SMG7: variants seen among roughly 807,000 people sequenced by gnomAD.
The protein encoded by SMG7 is nonsense-mediated mRNA decay factor SMG7.
Under a neutral mutation model 148.2 loss-of-function variants are expected in SMG7, and 34 were observed. That is an observed-to-expected ratio of 0.23 (90% CI 0.17 to 0.31). The LOEUF is 0.31. SMG7 is among the 10% of genes least tolerant of loss of function. SMG7 has a pLI of 1.00. For synonymous variants in SMG7, 492 were observed against 515.1 expected (o/e 0.96, Z 0.61); for missense variants, 1,114 against 1,408.4 (o/e 0.79, Z 3.35).
rs1666040705 is a variant in SMG7 at position 183,527,237 on chromosome 1, ATAT to A, written c.484+474_484+476del. On this transcript the variant is annotated intron_variant, in intron 5 of 22. Transcript: ENST00000688051. This position sits in a 1 kb window ranked among gnomAD's most constrained non-coding sequence, Gnocchi z 4.0. ...TCTATTATTTGCATTTTATCTGGGA[ATAT>A]TATATAACTTATTTATTCTTGTTCA... Among the ~76,000 whole-genome samples, 1 of 152,220 alleles carries A rather than the reference ATAT, an allele frequency of 6.6e-6. No individual in the cohort carries two copies. Among genetic ancestry groups the A allele is most frequent in the African/African-American group, 2.4e-5 (1 of 41,468 alleles).
chr1:183,479,091 G>A (rs756436967), intron 1 of SMG7, among the ~76,000 whole-genome samples: 13 of 152,114 alleles, frequency 8.5e-5, no homozygotes, highest in Admixed American at 1.3e-4. Context: ...GTGTGTAAAT[G>A]GAGCTGCTTA....
At chr1:183,540,272 C>T (rs1174260171) in intron 12 of SMG7, among the ~76,000 whole-genome samples, 4 of 152,102 alleles carry the variant, frequency 2.6e-5, no homozygotes, top group African/African-American at 9.7e-5. Flanking sequence ...ACTCATCCTC[C>T]TTTTACTATA....
Position 183,526,826 on chromosome 1 carries a change from T to A in SMG7, c.484+59T>A, listed in dbSNP as rs922734928. On this transcript the variant is annotated intron_variant, in intron 5 of 22. Coordinates refer to ENST00000688051, the MANE Select transcript of SMG7 (RefSeq NM_001375584.1). The stretch of plus-strand genomic sequence containing the variant: ...TTCCTCCTTTTCTTTGGAATAGTCA[T>A]AGAAAGAAACTGTTTTCCTTTAAGC... The A allele has an allele frequency of 4.2e-6, 6 of 1,423,792 alleles. No homozygotes were observed. In the African/African-American group the frequency reaches 8.6e-5, roughly 20 times the overall value. 88.2% of individuals were successfully genotyped at this position (1,423,792 alleles called of 1,614,324 possible). A position where few individuals can be genotyped will look rare whatever the true frequency, so the allele number is the denominator to read the frequency against.
intron 6 of SMG7, 44 bp downstream of exon 6, chr1:183,528,071 C>T: frequency 6.9e-7 from 1 of 1,458,576 alleles, no homozygotes; most frequent in Non-Finnish European, 9.5e-7. Flanking sequence ...ACACTTTGTT[C>T]TTTATAACAA....
rs1651048554 is a variant in SMG7 at position 183,472,871 on chromosome 1, C to G, written c.29+222C>G. The G allele has an allele frequency of 3.9e-5, 16 of 405,520 alleles. No homozygotes were observed. The East Asian group carries it at 5.4e-4, about 14-fold the overall frequency. The allele number at this position is 405,520 out of a possible 1,614,324, so 25.1% of individuals were successfully genotyped here. On this transcript the variant is annotated intron_variant, in intron 1 of 22. Coordinates refer to ENST00000688051, the MANE Select transcript of SMG7 (RefSeq NM_001375584.1). ...CTGAGCTCTGGCGAAGCCGGCTCGT[C>G]CCGGTGCGAGGAGGGAGGTTGGGGA...
rs201939557 is a variant in SMG7 at position 183,542,267 on chromosome 1, A to G, written c.1607A>G (p.Asn536Ser). The change falls in exon 14 of 23, where the codon AAC becomes AGC. Residue 536 changes from asparagine to serine, a missense_variant. Transcript: ENST00000688051. ...VLSTSRNLSN[N>S]CDTGEKPVVT... ...TCTACAAGCCGAAATTTAAGCAACA[A>G]CTGTGACACAGGAGAGAAGCCAGTG... 8.1e-6 allele frequency: 13 copies of G among 1,614,138 alleles called. No individual in the cohort carries two copies. The highest frequency in any genetic ancestry group is 1.7e-5 in the Admixed American group (1 of 60,010).
chr1:183,491,443 T>G (rs1216337563), intron 1 of SMG7, among the ~76,000 whole-genome samples: 1 of 152,174 alleles, frequency 6.6e-6, no homozygotes. Context: ...GTGTTTTCAT[T>G]TCTCTTGGTT....
At chr1:183,487,622 A>C (rs1453989448) in intron 1 of SMG7, among the ~76,000 whole-genome samples, 1 of 152,192 alleles carries the variant, frequency 6.6e-6, no homozygotes, top group Non-Finnish European at 1.5e-5. Context: ...GTTACTTTGC[A>C]TCCCTGATCC....
intron 4 of SMG7, among the ~76,000 whole-genome samples, chr1:183,522,965 A>G (rs1665089503): frequency 6.6e-6 from 1 of 151,880 alleles, no homozygotes; most frequent in African/African-American, 2.4e-5. Flanking sequence ...ATGGAGTCTC[A>G]CTATGTTACC....
chr1:183,523,357 T>G (rs1365143108), intron 4 of SMG7, among the ~76,000 whole-genome samples: 1 of 152,130 alleles, frequency 6.6e-6, no homozygotes, highest in Non-Finnish European at 1.5e-5. Context: ...CTGTGGTGCT[T>G]AGCTTTCTGA....
intron 1 of SMG7, among the ~76,000 whole-genome samples, chr1:183,476,975 G>C: frequency 6.6e-6 from 1 of 152,000 alleles, no homozygotes; most frequent in South Asian, 2.1e-4. Context: ...ATAGGCCGCA[G>C]GTGAGGTATA....
At position 183,500,974 on chromosome 1, in the gene SMG7, G is replaced by T. The variant is rs144863396; in HGVS notation, c.30-11863G>T. 8.7e-4 allele frequency among the ~76,000 whole-genome samples: 133 copies of T among 152,280 alleles called. 2 individuals are homozygous for T. In the East Asian group the frequency reaches 0.018, roughly 21 times the overall value. ...GAATACATGCTTTGGAAGTATGGCAGCAAAGTGCGCATAGACCTGCCACAT... is the reference window on the plus strand; with the variant it reads ...GAATACATGCTTTGGAAGTATGGCATCAAAGTGCGCATAGACCTGCCACAT... On this transcript the variant is annotated intron_variant, in intron 1 of 22. Coordinates refer to ENST00000688051, the MANE Select transcript of SMG7 (RefSeq NM_001375584.1).
chr1:183,537,255 C>A, intron 11 of SMG7, 40 bp downstream of exon 11: 1 of 1,407,928 alleles, frequency 7.1e-7, no homozygotes, highest in Non-Finnish European at 1.0e-6. Context: ...ATGTGGTTCT[C>A]CATCATTAAT....
chr1:183,550,984 C>A, intron 21 of SMG7, 61 bp from the exon 22 acceptor site: 1 of 1,613,244 alleles, frequency 6.2e-7, no homozygotes, highest in Admixed American at 1.7e-5. Flanking sequence ...TCCCTGGGGT[C>A]TGGCAATTGG....
rs1670954247 is a variant in SMG7 at position 183,551,030 on chromosome 1, C to T, written c.3305-15C>T. On this transcript the variant is annotated splice_polypyrimidine_tract_variant and intron_variant, in intron 21 of 22. Transcript: ENST00000688051. The stretch of plus-strand genomic sequence containing the variant: ...ACATCTTCTTGAATTTTTCTTATCT[C>T]TTTTCATCCCTTAGCCATGGGTGGG... 3.7e-6 allele frequency: 6 copies of T among 1,613,900 alleles called. No individual in the cohort carries two copies. The highest frequency in any genetic ancestry group is 1.7e-5 in the Admixed American group (1 of 59,962).
In SMG7 at chr1:183,553,053, C is replaced by T. The variant is rs1671307168; in HGVS notation, c.*1122C>T. On this transcript the variant is annotated 3_prime_UTR_variant, in exon 23 of 23. Transcript: ENST00000688051. Reference sequence around the variant, plus strand: ...GAAGGAAGCAGCAGTATCTGCGTAGCCCACAGAGGGCCCAGGCCCCTGCCC... The same window carrying T: ...GAAGGAAGCAGCAGTATCTGCGTAGTCCACAGAGGGCCCAGGCCCCTGCCC... 2 of 1,536,112 alleles carry T rather than the reference C, an allele frequency of 1.3e-6. No homozygotes were observed. Among genetic ancestry groups the T allele is most frequent in the Non-Finnish European group, 1.7e-6 (2 of 1,146,940 alleles).
intron 1 of SMG7, among the ~76,000 whole-genome samples, chr1:183,473,444 G>C (rs955919599): frequency 3.3e-5 from 5 of 152,040 alleles, no homozygotes; most frequent in African/African-American, 9.7e-5. Flanking sequence ...TGTGTGTCTG[G>C]GGTGGGGGGC....
chr1:183,530,585 A>G (rs893579568), intron 8 of SMG7, among the ~76,000 whole-genome samples: 1 of 152,178 alleles, frequency 6.6e-6, no homozygotes, highest in Non-Finnish European at 1.5e-5. Flanking sequence ...AATAGTTTTC[A>G]TAGTAAGTAT....
At chr1:183,506,842 C>T (rs1223125593) in intron 1 of SMG7, among the ~76,000 whole-genome samples, 1 of 148,848 alleles carries the variant, frequency 6.7e-6, no homozygotes, top group African/African-American at 2.5e-5. Flanking sequence ...AAATATCTTA[C>T]ATTTTTAAAC....
Sources: gnomAD v4.1 joint callset for allele counts (sites outside exome capture counted in the v4.1 genomes callset) on GRCh38, gnomAD v4.1.1 for gene constraint, Gnocchi (gnomAD v3.1) non-coding constraint, MANE v1.5 for transcripts, NCBI Gene and HGNC (gene_info 2026-07-23, HGNC 2026-07-21) for gene names.